The following TMEM183A variants were observed in gnomAD, a reference collection of about 807,000 sequenced individuals.
TMEM183A encodes transmembrane protein 183A, also known as chromosome 1 open reading frame 37.
TMEM183A carries 21 observed loss-of-function variants against 46.7 expected under a neutral mutation model. The ratio of observed to expected loss-of-function variants is 0.45; its 90% CI spans 0.32 to 0.65. TMEM183A has a LOEUF of 0.65. Ranked by LOEUF, TMEM183A falls within the 30% of genes least tolerant of loss-of-function variation. The pLI, the probability that TMEM183A is intolerant of heterozygous loss-of-function variation, is 0.04. For missense variants in TMEM183A, 331 were observed against 481.9 expected (o/e 0.69, Z 2.93); for synonymous variants, 165 against 180.2 (o/e 0.92, Z 0.68).
At position 203,017,956 on chromosome 1, in the gene TMEM183A, T is replaced by C. The variant is rs138901551; in HGVS notation, c.709-525T>C. 6.9e-3 allele frequency: 6,769 copies of C among 985,676 alleles called. 37 individuals are homozygous for C. Among genetic ancestry groups the C allele is most frequent in the Non-Finnish European group, 7.3e-3 (6,080 of 829,732 alleles). 61.1% of individuals were successfully genotyped at this position (985,676 alleles called of 1,614,324 possible). On this transcript the variant is annotated intron_variant, in intron 5 of 7. Coordinates refer to ENST00000367242, the MANE Select transcript of TMEM183A (RefSeq NM_138391.6). ...CTTGTGCTTAACCCTAGCTGTAGCC[T>C]GACTTTCACTGAGGGGCTTATTCTA...
At chr1:203,020,133 A>G (rs1657530977) in intron 6 of TMEM183A, among the ~76,000 whole-genome samples, 1 of 152,220 alleles carries the variant, frequency 6.6e-6, no homozygotes, top group South Asian at 2.1e-4. Flanking sequence ...GTTACAGATA[A>G]GTTTGTAATT....
chr1:203,012,953 C>G (rs1242558467), intron 3 of TMEM183A, among the ~76,000 whole-genome samples: 1 of 152,184 alleles, frequency 6.6e-6, no homozygotes, highest in African/African-American at 2.4e-5. Flanking sequence ...CTCCTGGGCT[C>G]AAGCCATCCT....
rs1656138636 is a variant in TMEM183A, at chr1:203,007,921, A to T, written c.199+58A>T. ...CCGCGAAGACAGAACTAGGTATTTTATTTCTGTTTTTCTTGCAGTCCTTTA... is the reference window on the plus strand; with the variant it reads ...CCGCGAAGACAGAACTAGGTATTTTTTTTCTGTTTTTCTTGCAGTCCTTTA... On this transcript the variant is annotated intron_variant, in intron 2 of 7. Coordinates refer to ENST00000367242, the MANE Select transcript of TMEM183A (RefSeq NM_138391.6). The T allele has an allele frequency of 3.8e-6, 6 of 1,593,894 alleles. No individual in the cohort carries two copies. The Middle Eastern group carries it at 5.0e-4, about 133-fold the overall frequency.
chr1:203,007,815 A>G lies in TMEM183A; in HGVS notation c.151A>G (p.Arg51Gly), dbSNP rs1265327485. ...DYANSDPAVV[R>G]SGRVKKAVAN... is the part of the protein sequence containing the mutation. The stretch of plus-strand genomic sequence containing the variant: ...CGCCAACTCGGATCCGGCGGTCGTG[A>G]GGTCTGGACGAGTCAAGAAAGCCGT... The change falls in exon 2 of 8, where the codon AGG (arginine) becomes GGG (glycine). Residue 51 changes from arginine (R) to glycine (G), a missense_variant. Arg to Gly is a moderately radical substitution (Grantham distance 125, BLOSUM62 -2). Transcript: ENST00000367242. 1.9e-6 allele frequency: 3 copies of G among 1,613,942 alleles called. No individual in the cohort carries two copies. The highest frequency in any genetic ancestry group is 2.5e-6 in the Non-Finnish European group (3 of 1,179,876).
chr1:203,016,556 C>G (rs1451844264), intron 5 of TMEM183A, among the ~76,000 whole-genome samples: 1 of 152,142 alleles, frequency 6.6e-6, no homozygotes, highest in Non-Finnish European at 1.5e-5. Context: ...TCTAATGCAA[C>G]CTTGACATCA....
intron 3 of TMEM183A, among the ~76,000 whole-genome samples, chr1:203,010,936 T>G (rs1270851799): frequency 6.6e-6 from 1 of 152,246 alleles, no homozygotes; most frequent in Non-Finnish European, 1.5e-5. Flanking sequence ...TTCATGTAAA[T>G]GGAATCATAC....
At chr1:203,017,853 G>A (rs768660676) in intron 5 of TMEM183A, 17 of 986,074 alleles carry the variant, frequency 1.7e-5, no homozygotes, top group Non-Finnish European at 1.8e-5. Flanking sequence ...ACAGCAGGAC[G>A]TACAGGGCAT....
At chr1:203,008,911 C>A in intron 3 of TMEM183A, 101 bp downstream of exon 3, 1 of 1,233,912 alleles carries the variant, frequency 8.1e-7, no homozygotes. Flanking sequence ...AGACGTGATA[C>A]CAGGAGAGTT....
intron 5 of TMEM183A, 127 bp from the exon 6 acceptor site, chr1:203,018,354 C>T (rs1242703184): frequency 1.9e-6 from 2 of 1,063,704 alleles, no homozygotes; most frequent in Non-Finnish European, 2.7e-6. Context: ...AAAATCTCAG[C>T]ATTGGGACCG....
chr1:203,015,428 T>A, intron 4 of TMEM183A: 1 of 264,734 alleles, frequency 3.8e-6, no homozygotes, highest in Non-Finnish European at 7.3e-6. Context: ...CTAGTTGTCT[T>A]TAAGTATTAC....
intron 5 of TMEM183A, chr1:203,017,792 T>A (rs1571618202): frequency 1.0e-6 from 1 of 985,932 alleles, no homozygotes. Context: ...GCCGTTGTGA[T>A]GGCAGCAGAA....
At chr1:203,017,066 G>A (rs1284597540) in intron 5 of TMEM183A, among the ~76,000 whole-genome samples, 3 of 152,070 alleles carry the variant, frequency 2.0e-5, no homozygotes, top group South Asian at 2.1e-4. Context: ...TTTTGATTTC[G>A]AGATTATCGA....
rs1657919622 is a variant in TMEM183A, at chr1:203,023,569, AAAT to A, written c.*533_*535del. The A allele has an allele frequency of 6.5e-6, 1 of 153,038 alleles. No homozygotes were observed. The highest frequency in any genetic ancestry group is 2.1e-4 in the South Asian group (1 of 4,848). 9.5% of individuals were successfully genotyped at this position (153,038 alleles called of 1,614,324 possible). A position where few individuals can be genotyped will look rare whatever the true frequency, so the allele number is the denominator to read the frequency against. On this transcript the variant is annotated 3_prime_UTR_variant, in exon 8 of 8. Coordinates refer to ENST00000367242, the MANE Select transcript of TMEM183A (RefSeq NM_138391.6). ...TATTGACTTGTGTATCTTTTTTAAA[AAAT>A]AATTTGTGATATTTATTGCATACAT...
intron 3 of TMEM183A, among the ~76,000 whole-genome samples, chr1:203,011,525 G>C (rs765587932): frequency 1.3e-5 from 2 of 152,040 alleles, no homozygotes; most frequent in Non-Finnish European, 2.9e-5. Flanking sequence ...TCCTACCTCA[G>C]CCTCCCGAGT....
At chr1:203,010,437 T>C (rs1656458530) in intron 3 of TMEM183A, among the ~76,000 whole-genome samples, 1 of 152,218 alleles carries the variant, frequency 6.6e-6, no homozygotes, top group Non-Finnish European at 1.5e-5. Context: ...GAAATGCTTA[T>C]TGGAGCACTT....
intron 3 of TMEM183A, among the ~76,000 whole-genome samples, chr1:203,014,121 A>C (rs1656938028): frequency 6.6e-6 from 1 of 152,196 alleles, no homozygotes; most frequent in Admixed American, 6.5e-5. Flanking sequence ...GTGGAGACTT[A>C]AACCATGAGC....
intron 3 of TMEM183A, among the ~76,000 whole-genome samples, chr1:203,012,154 A>T (rs1056297945): frequency 1.4e-4 from 18 of 128,646 alleles, no homozygotes; most frequent in South Asian, 2.6e-4. Flanking sequence ...TCCATCACAC[A>T]CACACACACA....
chr1:203,020,994 T>C (rs1657622690), intron 7 of TMEM183A, 46 bp downstream of exon 7: 1 of 1,505,582 alleles, frequency 6.6e-7, no homozygotes, highest in Non-Finnish European at 8.9e-7. Context: ...TTTTTTTTTT[T>C]TTTTTCATTC....
intron 7 of TMEM183A, 79 bp downstream of exon 7, chr1:203,021,027 C>CT (rs869177251): frequency 0.21 from 143,024 of 693,032 alleles, 7,554 homozygotes; most frequent in African/African-American, 0.37. Context: ...AACCGCAGCT[C>CT]TTTTTTTTTT....
Sources: allele counts gnomAD v4.1 joint callset (sites outside exome capture counted in the v4.1 genomes callset), GRCh38; gene constraint gnomAD v4.1.1; transcripts MANE v1.5; gene names NCBI Gene and HGNC (gene_info 2026-07-23, HGNC 2026-07-21).